Variants in SIN3A observed in about 807,000 individuals in gnomAD.
SIN3A encodes the protein SIN3 transcription regulator family member A.
Under a neutral mutation model 146.1 loss-of-function variants are expected in SIN3A, and 14 were observed. The observed-to-expected ratio is 0.10, with a 90% confidence interval of 0.06 to 0.15. The LOEUF (loss-of-function observed/expected upper bound fraction) is 0.15, where lower values mean the gene tolerates loss of function less well. Among genes scored for constraint, SIN3A ranks in the 10% least tolerant of loss-of-function variants. The probability of loss-of-function intolerance (pLI) is 1.00; values close to 1 mark genes in which losing one functional copy is unlikely to be tolerated. For synonymous variants in SIN3A, 572 were observed against 572.0 expected (o/e 1.00, Z 0.00); for missense variants, 1,028 against 1,576.0 (o/e 0.65, Z 5.89).
chr15:75,451,737 A>C (rs900027382), upstream of SIN3A: 4 of 151,834 alleles, frequency 2.6e-5, no homozygotes, highest in African/African-American at 9.7e-5. Context: ...CGCAGAGGGA[A>C]GACTCAGCTT....
chr15:75,389,646 C>G lies in SIN3A; in HGVS notation c.3021+6G>C. 1 of 1,613,956 alleles carries G rather than the reference C, an allele frequency of 6.2e-7. No individual in the cohort carries two copies. Among genetic ancestry groups the G allele is most frequent in the African/African-American group, 1.3e-5 (1 of 75,050 alleles). On this transcript the variant is annotated splice_donor_region_variant and intron_variant, in intron 16 of 20. Coordinates refer to ENST00000394947, the MANE Select transcript of SIN3A (RefSeq NM_001145358.2). ...TTACTCACCCTAGCCTCCTCCATGC[C>G]CTCACCTGTCTGACAATGCTCTGGA...
At chr15:75,406,805 A>T (rs922518490) in intron 9 of SIN3A, among the ~76,000 whole-genome samples, 1 of 152,248 alleles carries the variant, frequency 6.6e-6, no homozygotes, top group Non-Finnish European at 1.5e-5. Flanking sequence ...CAAGAGAAAC[A>T]TAATACATTT....
chr15:75,423,447 T>C (rs745605786), intron 2 of SIN3A, among the ~76,000 whole-genome samples: 28 of 151,938 alleles, frequency 1.8e-4, no homozygotes, highest in Non-Finnish European at 3.7e-4. Flanking sequence ...GAGAGGCCAA[T>C]GCAGGCGGAT....
intron 1 of SIN3A, among the ~76,000 whole-genome samples, chr15:75,436,836 G>A (rs1053610474): frequency 1.3e-5 from 2 of 151,998 alleles, no homozygotes; most frequent in Admixed American, 6.6e-5. Context: ...TATAAATTGG[G>A]AAAGGGATAC....
chr15:75,374,233 C>A (rs890662211), intron 20 of SIN3A, among the ~76,000 whole-genome samples: 2 of 152,180 alleles, frequency 1.3e-5, no homozygotes, highest in African/African-American at 4.8e-5. Flanking sequence ...TGGTGGCTCA[C>A]GCCTGTAATC....
In SIN3A at chr15:75,442,120, CAAAAAAAAAAAAAAAAA is replaced by C. The variant is rs57418865; in HGVS notation, c.-34+9286_-34+9302del. Among the ~76,000 whole-genome samples, 28 of 29,282 alleles carry C rather than the reference CAAAAAAAAAAAAAAAAA, an allele frequency of 9.6e-4. No homozygotes were observed. The South Asian group carries it at 0.03, about 31-fold the overall frequency. The allele number at this position is 29,282 out of a possible 152,430, so 19.2% of individuals were successfully genotyped here. A position where few individuals can be genotyped will look rare whatever the true frequency, so the allele number is the denominator to read the frequency against. ...GGGTAACAAGAGTGAGACTCTGTCT[CAAAAAAAAAAAAAAAAA>C]AAAAAAAAAAAAAAAACTGATTTTT... On this transcript the variant is annotated intron_variant, in intron 1 of 20. Transcript: ENST00000394947.
At chr15:75,391,077 G>C (rs2073191218) in intron 15 of SIN3A, among the ~76,000 whole-genome samples, 1 of 152,196 alleles carries the variant, frequency 6.6e-6, no homozygotes, top group African/African-American at 2.4e-5. Flanking sequence ...CTGTTTAAAA[G>C]AGGCAACTGG....
At chr15:75,409,604 G>A (rs1385236932) in intron 8 of SIN3A, among the ~76,000 whole-genome samples, 1 of 151,726 alleles carries the variant, frequency 6.6e-6, no homozygotes, top group Non-Finnish European at 1.5e-5. Context: ...GCATGCGCCT[G>A]TAGTCCCAGC....
rs772416776 is a variant in SIN3A at position 75,400,946 on chromosome 15, G to C, written c.1527-6C>G. 1.2e-6 allele frequency: 2 copies of C among 1,603,874 alleles called. No individual in the cohort carries two copies. Among genetic ancestry groups the C allele is most frequent in the East Asian group, 2.2e-5 (1 of 44,838 alleles). On this transcript the variant is annotated splice_region_variant and splice_polypyrimidine_tract_variant and intron_variant, in intron 10 of 20. Transcript: ENST00000394947. ...TAAACAACTCAGGGAATTTCCTGAA[G>C]AATCAAACCAAAAAGTGACAAGCAA...
chr15:75,425,048 C>T (rs548334876), intron 2 of SIN3A, among the ~76,000 whole-genome samples: 376 of 152,068 alleles, frequency 2.5e-3, no homozygotes, highest in Non-Finnish European at 3.8e-3. Flanking sequence ...GACCCTGTCT[C>T]AAAAAAATAA....
At chr15:75,431,679 A>G (rs148061377) in intron 1 of SIN3A, among the ~76,000 whole-genome samples, 10 of 152,292 alleles carry the variant, frequency 6.6e-5, no homozygotes, top group African/African-American at 1.4e-4. Flanking sequence ...TACCTAATTC[A>G]TAAGTCTACC....
intron 3 of SIN3A, chr15:75,415,854 GAAA>G (rs397946961): frequency 1.1e-3 from 101 of 96,186 alleles, no homozygotes; most frequent in South Asian, 3.7e-3. Context: ...TCGGTCTCAG[GAAA>G]AAAAAAAAAA....
chr15:75,401,003 G>T, intron 10 of SIN3A, 63 bp from the exon 11 acceptor site: 3 of 1,132,060 alleles, frequency 2.7e-6, no homozygotes, highest in South Asian at 1.3e-5. Context: ...CCTGAGGTAT[G>T]ACTACTACCA....
At chr15:75,441,509 G>C (rs2074211242) in intron 1 of SIN3A, among the ~76,000 whole-genome samples, 1 of 151,934 alleles carries the variant, frequency 6.6e-6, no homozygotes, top group African/African-American at 2.4e-5. Flanking sequence ...GCACAGGCCG[G>C]TCTTGAACTC....
At chr15:75,407,720 G>C (rs1029715980) in intron 8 of SIN3A, among the ~76,000 whole-genome samples, 1 of 151,438 alleles carries the variant, frequency 6.6e-6, no homozygotes, top group Admixed American at 6.6e-5. Flanking sequence ...GTGAAACCCC[G>C]TCTCTACTAA....
intron 3 of SIN3A, chr15:75,422,222 T>TA: frequency 4.1e-6 from 1 of 246,568 alleles, no homozygotes; most frequent in South Asian, 9.0e-5. Context: ...TCTCTGAAAC[T>TA]AAAAACTAAA....
At chr15:75,423,505 C>T (rs1405159119) in intron 2 of SIN3A, among the ~76,000 whole-genome samples, 16 of 151,926 alleles carry the variant, frequency 1.1e-4, no homozygotes, top group Admixed American at 9.2e-4. Context: ...GGTGAAACCC[C>T]GTCTCTACTA....
chr15:75,406,644 C>A (rs1409773658), intron 9 of SIN3A, among the ~76,000 whole-genome samples: 1 of 152,000 alleles, frequency 6.6e-6, no homozygotes, highest in Non-Finnish European at 1.5e-5. Context: ...GCCGAGATTG[C>A]GCCACTGCAC....
chr15:75,422,912 ATAAT>A, intron 2 of SIN3A, 89 bp from the exon 3 acceptor site: 2 of 1,388,010 alleles, frequency 1.4e-6, no homozygotes, highest in Non-Finnish European at 2.0e-6. Context: ...ATGCACAAAG[ATAAT>A]TAATTGGAAA....
Sources: allele counts gnomAD v4.1 joint callset (sites outside exome capture counted in the v4.1 genomes callset), GRCh38; gene constraint gnomAD v4.1.1; transcripts MANE v1.5; gene names NCBI Gene and HGNC (gene_info 2026-07-23, HGNC 2026-07-21).